The following MINDY4 variants were observed in gnomAD, a reference collection of about 807,000 sequenced individuals.
MINDY4 encodes probable ubiquitin carboxyl-terminal hydrolase MINDY-4.
A neutral mutation model predicts 87.0 loss-of-function variants in MINDY4; 68 were observed. The ratio of observed to expected loss-of-function variants is 0.78; its 90% CI spans 0.64 to 0.96. The LOEUF (loss-of-function observed/expected upper bound fraction) is 0.96, where lower values mean the gene tolerates loss of function less well. Ranked by LOEUF, MINDY4 falls within the 40% of genes least tolerant of loss-of-function variation. The probability of loss-of-function intolerance (pLI) is 0.00; values close to 1 mark genes in which losing one functional copy is unlikely to be tolerated. For missense variants in MINDY4, 919 were observed against 928.2 expected (o/e 0.99, Z 0.13); for synonymous variants, 379 against 363.2 (o/e 1.04, Z -0.50).
chr7:30,791,612 G>A (rs1787325989), intron 5 of MINDY4, 38 bp downstream of exon 5: 1 of 1,555,688 alleles, frequency 6.4e-7, no homozygotes, highest in South Asian at 1.2e-5. Flanking sequence ...TTTTCAAAAA[G>A]AAGCTCCACC....
intron 15 of MINDY4, among the ~76,000 whole-genome samples, chr7:30,876,948 C>T (rs983946830): frequency 2.0e-5 from 3 of 152,108 alleles, no homozygotes; most frequent in Non-Finnish European, 2.9e-5. Flanking sequence ...CCACCCTTCC[C>T]ACATGACCAC....
At position 30,875,491 on chromosome 7, in the gene MINDY4, G is replaced by A. The variant is rs1237848827; in HGVS notation, c.1810-4G>A. On this transcript the variant is annotated splice_region_variant and splice_polypyrimidine_tract_variant and intron_variant, in intron 14 of 17. Transcript: ENST00000265299. Reference sequence around the variant, plus strand: ...TGAGTCTTTCCCCTTTCTCTCATCTGCAGGAACTTGTCAATCTGCTCCTGA... The same window carrying A: ...TGAGTCTTTCCCCTTTCTCTCATCTACAGGAACTTGTCAATCTGCTCCTGA... 6.2e-7 allele frequency: 1 copy of A among 1,613,956 alleles called. No individual in the cohort carries two copies. Among genetic ancestry groups the A allele is most frequent in the Non-Finnish European group, 8.5e-7 (1 of 1,179,996 alleles).
rs1278861174 is a variant in MINDY4, at chr7:30,828,709, G to A, written c.1104G>A (p.Val368=). The part of the protein sequence containing the change: ...RKNQLLPSDK[V]DGELGALRLE... The stretch of plus-strand genomic sequence containing the variant: ...ATCAGTTGCTGCCGTCTGACAAGGT[G>A]GATGGTGAGCTGGGTGCCCTGCGGC... The change falls in exon 6 of 18, where the codon GTG becomes GTA. Residue 368 remains valine (V), a synonymous_variant. Transcript: ENST00000265299. 1.2e-6 allele frequency: 2 copies of A among 1,613,728 alleles called. No homozygotes were observed. Among genetic ancestry groups the A allele is most frequent in the Admixed American group, 3.3e-5 (2 of 60,024 alleles).
intron 5 of MINDY4, among the ~76,000 whole-genome samples, chr7:30,806,790 C>T (rs958229437): frequency 2.6e-5 from 4 of 152,234 alleles, no homozygotes; most frequent in African/African-American, 9.6e-5. Context: ...GAGGGTGAGG[C>T]AGATGTGTCT....
intron 15 of MINDY4, among the ~76,000 whole-genome samples, chr7:30,881,735 T>TC (rs780982020): frequency 1.4e-4 from 22 of 152,308 alleles, no homozygotes; most frequent in Admixed American, 7.8e-4. Context: ...ATGCAGGCTG[T>TC]CCAACGGTAA....
rs1237330869 is a variant in MINDY4, at chr7:30,891,978, C to G, written c.2247C>G (p.Asn749Lys). 7 of 1,614,164 alleles carry G rather than the reference C, an allele frequency of 4.3e-6. No individual in the cohort carries two copies. Among genetic ancestry groups the G allele is most frequent in the Non-Finnish European group, 5.9e-6 (7 of 1,180,028 alleles). The change falls in exon 18 of 18, where the codon AAC (asparagine) becomes AAG (lysine). Residue 749 changes from asparagine to lysine, a missense_variant. Coordinates refer to ENST00000265299, the MANE Select transcript of MINDY4 (RefSeq NM_032222.3). Reference sequence around the variant, plus strand: ...TTAGGTGGAAGGGGGCATCAGTGAACTGGAACGGCTCAGACCCCATCCTGT... The same window carrying G: ...TTAGGTGGAAGGGGGCATCAGTGAAGTGGAACGGCTCAGACCCCATCCTGT... ...IRTKWKGASV[N>K]WNGSDPIL
chr7:30,882,458 T>C, intron 16 of MINDY4, 97 bp downstream of exon 16: 1 of 1,045,582 alleles, frequency 9.6e-7, no homozygotes, highest in South Asian at 1.7e-5. Context: ...CCAACCCCCA[T>C]GACAGAGAGC....
At chr7:30,870,307 C>A (rs185662015) in intron 13 of MINDY4, among the ~76,000 whole-genome samples, 3 of 152,222 alleles carry the variant, frequency 2.0e-5, no homozygotes, top group African/African-American at 7.2e-5. Context: ...TCGGCCCCCC[C>A]TCAGGACCCT....
At chr7:30,836,542 C>A in intron 6 of MINDY4, 116 bp from the exon 7 acceptor site, 1 of 842,966 alleles carries the variant, frequency 1.2e-6, no homozygotes, top group South Asian at 1.6e-5. Flanking sequence ...GGGGAGGAAC[C>A]CTCCTTTCAC....
intron 9 of MINDY4, among the ~76,000 whole-genome samples, chr7:30,842,145 G>C (rs1263718201): frequency 6.6e-6 from 1 of 152,196 alleles, no homozygotes; most frequent in Non-Finnish European, 1.5e-5. Context: ...AATAATTGAG[G>C]TGTTTCCTCT....
intron 5 of MINDY4, among the ~76,000 whole-genome samples, chr7:30,798,889 A>T: frequency 6.6e-6 from 1 of 152,292 alleles, no homozygotes; most frequent in Non-Finnish European, 1.5e-5. Flanking sequence ...TGCAGTCCAC[A>T]CATGTGAGCA....
chr7:30,792,250 A>G (rs1219531746), intron 5 of MINDY4, among the ~76,000 whole-genome samples: 2 of 152,252 alleles, frequency 1.3e-5, no homozygotes, highest in Non-Finnish European at 2.9e-5. Flanking sequence ...CCACTTGGCT[A>G]TGATATATTA....
intron 12 of MINDY4, chr7:30,859,049 C>G (rs1486853473): frequency 2.8e-6 from 2 of 713,910 alleles, no homozygotes; most frequent in South Asian, 3.0e-5. Context: ...CTGCATCACC[C>G]TCGCTCTGCT....
At chr7:30,815,945 A>T (rs577427245) in intron 5 of MINDY4, among the ~76,000 whole-genome samples, 14 of 152,154 alleles carry the variant, frequency 9.2e-5, no homozygotes, top group Admixed American at 2.6e-4. Context: ...CCAGCATGGG[A>T]TAGATTAAAA....
At chr7:30,882,060 A>T in intron 15 of MINDY4, 121 bp from the exon 16 acceptor site, 1 of 1,002,970 alleles carries the variant, frequency 1.0e-6, no homozygotes, top group South Asian at 1.6e-5. Flanking sequence ...CCAGCATCAG[A>T]CACAAACGTG....
intron 5 of MINDY4, among the ~76,000 whole-genome samples, chr7:30,824,911 G>A (rs1562543545): frequency 1.3e-5 from 2 of 152,174 alleles, no homozygotes; most frequent in Non-Finnish European, 2.9e-5. Context: ...CAAGGATTCA[G>A]TTATTCAGAG....
At chr7:30,887,688 A>G (rs1790672658) in intron 17 of MINDY4, among the ~76,000 whole-genome samples, 1 of 152,186 alleles carries the variant, frequency 6.6e-6, no homozygotes, top group African/African-American at 2.4e-5. Flanking sequence ...TTCATGCAGC[A>G]GCACCCCCAC....
At chr7:30,807,349 A>T (rs550133684) in intron 5 of MINDY4, among the ~76,000 whole-genome samples, 9 of 152,176 alleles carry the variant, frequency 5.9e-5, no homozygotes, top group African/African-American at 2.2e-4. Context: ...GAATTCTCAC[A>T]CCCATAGTCT....
In MINDY4 at chr7:30,791,177, A is replaced by G. The variant is rs769216986; in HGVS notation, c.676A>G (p.Arg226Gly). The change falls in exon 5 of 18, where the codon AGA (arginine) becomes GGA (glycine). Residue 226 changes from arginine (R) to glycine (G), a missense_variant. Transcript: ENST00000265299. ...IASSPQDSFH[R>G]HYLRRSSPSS... ...TTACTCCCTTTAGGATTCTTTTCACAGACACTATCTGAGACGGTCCTCACC... is the reference window on the plus strand; with the variant it reads ...TTACTCCCTTTAGGATTCTTTTCACGGACACTATCTGAGACGGTCCTCACC... 4 of 1,607,424 alleles carry G rather than the reference A, an allele frequency of 2.5e-6. No individual in the cohort carries two copies. Among genetic ancestry groups the G allele is most frequent in the Non-Finnish European group, 3.4e-6 (4 of 1,175,182 alleles).
Sources: gnomAD v4.1 joint callset for allele counts (sites outside exome capture counted in the v4.1 genomes callset) on GRCh38, gnomAD v4.1.1 for gene constraint, MANE v1.5 for transcripts, NCBI Gene and HGNC (gene_info 2026-07-23, HGNC 2026-07-21) for gene names.